Variants in FARS2 observed in about 807,000 individuals in gnomAD.
FARS2 encodes phenylalanyl-tRNA synthetase 2, mitochondrial.
FARS2 carries 40 observed loss-of-function variants against 46.4 expected under a neutral mutation model. The observed-to-expected ratio is 0.86, with a 90% confidence interval of 0.67 to 1.12. FARS2 has a LOEUF of 1.12. Ranked by LOEUF, FARS2 falls within the 50% of genes most tolerant of loss-of-function variation. FARS2 has a pLI of 0.00. For missense variants in FARS2, 513 were observed against 567.9 expected (o/e 0.90, Z 0.98); for synonymous variants, 234 against 214.9 (o/e 1.09, Z -0.78).
intron 4 of FARS2, among the ~76,000 whole-genome samples, chr6:5,479,989 C>G (rs1766357976): frequency 6.6e-6 from 1 of 152,232 alleles, no homozygotes; most frequent in Admixed American, 6.5e-5. Flanking sequence ...TGTGTCTGCA[C>G]AGATCTTTCC....
intron 4 of FARS2, among the ~76,000 whole-genome samples, chr6:5,482,418 A>T (rs184906512): frequency 1.3e-3 from 196 of 152,290 alleles, no homozygotes; most frequent in African/African-American, 4.2e-3. Flanking sequence ...TGCCCACTTA[A>T]TGTTTTTGAG....
chr6:5,478,514 T>A (rs1190079518), intron 4 of FARS2, among the ~76,000 whole-genome samples: 4 of 152,202 alleles, frequency 2.6e-5, no homozygotes, highest in Non-Finnish European at 5.9e-5. Flanking sequence ...AGCATGAGCC[T>A]CCTGTTTCCC....
At position 5,630,918 on chromosome 6, in the gene FARS2, G is replaced by C. The variant is rs1776263649; in HGVS notation, c.1217+17598G>C. The stretch of plus-strand genomic sequence containing the variant: ...TCAGCATTTCTTAATATGGCACATG[G>C]GGGAGAAAACTTCTTAAAGTTGCAT... On this transcript the variant is annotated intron_variant, in intron 6 of 6. Coordinates refer to ENST00000274680, the MANE Select transcript of FARS2 (RefSeq NM_006567.5). This position sits in a 1 kb window ranked among gnomAD's most constrained non-coding sequence, Gnocchi z 4.2. Among the ~76,000 whole-genome samples the C allele has an allele frequency of 6.6e-6, 1 of 152,194 alleles. No homozygotes were observed. The highest frequency in any genetic ancestry group is 1.5e-5 in the Non-Finnish European group (1 of 68,034).
At chr6:5,350,104 G>C (rs916054498) in intron 1 of FARS2, among the ~76,000 whole-genome samples, 3 of 151,616 alleles carry the variant, frequency 2.0e-5, no homozygotes, top group Non-Finnish European at 2.9e-5. Flanking sequence ...GAATCAGCAA[G>C]GTTTGTTCGT....
chr6:5,651,023 A>G (rs1243419987), intron 6 of FARS2, among the ~76,000 whole-genome samples: 1 of 152,256 alleles, frequency 6.6e-6, no homozygotes, highest in African/African-American at 2.4e-5. Flanking sequence ...CAGATTGAAC[A>G]TAAGCTTTAA....
chr6:5,558,289 G>A (rs2150529753), intron 5 of FARS2, among the ~76,000 whole-genome samples: 1 of 152,214 alleles, frequency 6.6e-6, no homozygotes, highest in East Asian at 1.9e-4. Context: ...GAGGAATTGA[G>A]GGCTGCCTGT....
intron 5 of FARS2, among the ~76,000 whole-genome samples, chr6:5,570,688 G>C (rs967980091): frequency 6.6e-6 from 1 of 152,196 alleles, no homozygotes; most frequent in Non-Finnish European, 1.5e-5. Flanking sequence ...ACCTCAAAAA[G>C]TGATGCCTCT....
At chr6:5,467,708 A>T (rs961093285) in intron 4 of FARS2, among the ~76,000 whole-genome samples, 2 of 152,170 alleles carry the variant, frequency 1.3e-5, no homozygotes, top group Non-Finnish European at 2.9e-5. Flanking sequence ...TATTATCATC[A>T]TTACTGTTCT....
intron 3 of FARS2, among the ~76,000 whole-genome samples, chr6:5,415,310 C>CTTTTTTTTTTTT (rs773981175): frequency 6.9e-4 from 37 of 53,638 alleles, no homozygotes; most frequent in Non-Finnish European, 8.1e-4. Context: ...CTTTTCTTTT[C>CTTTTTTTTTTTT]TTTTTTTTTT....
intron 1 of FARS2, among the ~76,000 whole-genome samples, chr6:5,332,300 C>A (rs750271148): frequency 6.1e-4 from 93 of 152,146 alleles, no homozygotes; most frequent in Non-Finnish European, 8.2e-4. Flanking sequence ...TCATCTTCAG[C>A]GGAATGCTAA....
rs184128654 is a variant in FARS2 at position 5,765,859 on chromosome 6, G to A, written c.1218-5432G>A. Reference sequence around the variant, plus strand: ...CTTCTCTGTGTCCAACTCAGTGACTGAAACATGCTGTTTGTTGAATAACTA... The same window carrying A: ...CTTCTCTGTGTCCAACTCAGTGACTAAAACATGCTGTTTGTTGAATAACTA... On this transcript the variant is annotated intron_variant, in intron 6 of 6. Transcript: ENST00000274680. This position sits in a 1 kb window ranked among gnomAD's most constrained non-coding sequence, Gnocchi z 4.0. Among the ~76,000 whole-genome samples the A allele has an allele frequency of 2.4e-4, 36 of 152,260 alleles. No homozygotes were observed. The highest frequency in any genetic ancestry group is 2.3e-3 in the Admixed American group (35 of 15,296).
chr6:5,345,133 T>C (rs184227256), intron 1 of FARS2, among the ~76,000 whole-genome samples: 98 of 152,026 alleles, frequency 6.4e-4, no homozygotes, highest in African/African-American at 2.4e-3. Context: ...TCTTTAATTA[T>C]GATGATGACT....
At chr6:5,394,420 T>C (rs1581976009) in intron 2 of FARS2, among the ~76,000 whole-genome samples, 1 of 152,284 alleles carries the variant, frequency 6.6e-6, no homozygotes, top group Non-Finnish European at 1.5e-5. Flanking sequence ...AGCCTAGGTG[T>C]GCATAGTGGG....
intron 6 of FARS2, among the ~76,000 whole-genome samples, chr6:5,747,982 G>T (rs556400089): frequency 6.6e-6 from 1 of 152,078 alleles, no homozygotes; most frequent in African/African-American, 2.4e-5. Context: ...TTTCATCCTG[G>T]ATCATTTCTT....
chr6:5,557,839 G>C (rs968993130), intron 5 of FARS2, among the ~76,000 whole-genome samples: 1 of 152,106 alleles, frequency 6.6e-6, no homozygotes, highest in African/African-American at 2.4e-5. Flanking sequence ...CCTTTCATAG[G>C]ATAACTGGAT....
intron 1 of FARS2, among the ~76,000 whole-genome samples, chr6:5,335,776 T>G (rs1305346751): frequency 6.6e-6 from 1 of 152,202 alleles, no homozygotes; most frequent in Non-Finnish European, 1.5e-5. Flanking sequence ...TATAAAACAT[T>G]TAGCCAATTG....
At chr6:5,430,082 T>C (rs1281252509) in intron 3 of FARS2, among the ~76,000 whole-genome samples, 3 of 152,080 alleles carry the variant, frequency 2.0e-5, no homozygotes, top group African/African-American at 4.8e-5. Context: ...TGAGAACATA[T>C]GGTATTTTAA....
rs70974193 is a variant in FARS2, at chr6:5,341,235, A to ATTTTTTTT, written c.-21-27300_-21-27293dup. Among the ~76,000 whole-genome samples the ATTTTTTTT allele has an allele frequency of 4.9e-4, 5 of 10,274 alleles. 1 individual carries two copies. The highest frequency in any genetic ancestry group is 7.7e-4 in the African/African-American group (3 of 3,878). The allele number at this position is 10,274 out of a possible 152,430, so 6.7% of individuals were successfully genotyped here. Reference sequence around the variant, plus strand: ...TATATATATATATATATATATATATATTTTTTTTTTTTTTTTTTTTTTCCC... The same window carrying ATTTTTTTT: ...TATATATATATATATATATATATATATTTTTTTTTTTTTTTTTTTTTTTTTTTTTTCCC... On this transcript the variant is annotated intron_variant, in intron 1 of 6. Transcript: ENST00000274680.
intron 1 of FARS2, among the ~76,000 whole-genome samples, chr6:5,329,590 C>T (rs1482129558): frequency 6.6e-6 from 1 of 152,140 alleles, no homozygotes; most frequent in Non-Finnish European, 1.5e-5. Context: ...CTCAAGATTA[C>T]CCGCAGTAGA....
Sources: gnomAD v4.1 joint callset for allele counts (sites outside exome capture counted in the v4.1 genomes callset) on GRCh38, gnomAD v4.1.1 for gene constraint, Gnocchi (gnomAD v3.1) non-coding constraint, MANE v1.5 for transcripts, NCBI Gene and HGNC (gene_info 2026-07-23, HGNC 2026-07-21) for gene names.